Variants in ITGB5 observed in about 807,000 individuals in gnomAD.
ITGB5 encodes integrin beta-5.
ITGB5 carries 38 observed loss-of-function variants against 84.8 expected under a neutral mutation model. That is an observed-to-expected ratio of 0.45 (90% confidence interval 0.35 to 0.59). ITGB5 has a LOEUF of 0.59. Among genes scored for constraint, ITGB5 ranks in the 20% least tolerant of loss-of-function variants. The pLI, the probability that ITGB5 is intolerant of heterozygous loss-of-function variation, is 0.01. For missense variants in ITGB5, 905 were observed against 1,034.5 expected, an observed-to-expected ratio of 0.87 and a Z score of 1.72; for synonymous variants, 393 against 414.4, an observed-to-expected ratio of 0.95 and a Z score of 0.63.
intron 10 of ITGB5, among the ~76,000 whole-genome samples, chr3:124,793,388 C>T (rs2064177099): frequency 6.6e-6 from 1 of 152,234 alleles, no homozygotes; most frequent in South Asian, 2.1e-4. Flanking sequence ...GCCTGCCAGG[C>T]TGCTTAGAGC....
intron 6 of ITGB5, 76 bp downstream of exon 6, chr3:124,821,237 C>A: frequency 6.7e-7 from 1 of 1,493,024 alleles, no homozygotes; most frequent in Non-Finnish European, 9.1e-7. Flanking sequence ...GGTTTCAAGG[C>A]TGGGCAAGTA....
chr3:124,828,602 G>A (rs2064817548), intron 5 of ITGB5, among the ~76,000 whole-genome samples: 1 of 152,198 alleles, frequency 6.6e-6, no homozygotes. Flanking sequence ...TCGCAGAGTT[G>A]CTTTCGTGAG....
At chr3:124,819,423 T>C (rs2064662740) in intron 7 of ITGB5, among the ~76,000 whole-genome samples, 1 of 152,218 alleles carries the variant, frequency 6.6e-6, no homozygotes, top group Non-Finnish European at 1.5e-5. Flanking sequence ...TGTGTGTATC[T>C]TCATTTCATT....
At chr3:124,866,568 AAGG>A in intron 2 of ITGB5, among the ~76,000 whole-genome samples, 1 of 152,354 alleles carries the variant, frequency 6.6e-6, no homozygotes, top group East Asian at 1.9e-4. Flanking sequence ...CCAAGCAAGA[AAGG>A]AGGCCAGCAT....
chr3:124,856,124 G>A (rs1442628234), intron 3 of ITGB5, among the ~76,000 whole-genome samples: 3 of 151,858 alleles, frequency 2.0e-5, no homozygotes, highest in Non-Finnish European at 2.9e-5. Flanking sequence ...GACCTCAATC[G>A]ATCCTCTCTC....
intron 1 of ITGB5, among the ~76,000 whole-genome samples, chr3:124,900,391 T>C (rs895669489): frequency 4.6e-5 from 7 of 152,226 alleles, no homozygotes; most frequent in African/African-American, 1.7e-4. Context: ...AGGGAGTGCT[T>C]CATAATATAT....
chr3:124,797,544 G>C (rs1212853934), intron 9 of ITGB5, among the ~76,000 whole-genome samples: 1 of 152,236 alleles, frequency 6.6e-6, no homozygotes. Context: ...ATGTAAGGAA[G>C]TGTTTCTCAC....
chr3:124,861,751 G>A (rs976042531), intron 2 of ITGB5, among the ~76,000 whole-genome samples: 6 of 151,940 alleles, frequency 3.9e-5, no homozygotes, highest in Non-Finnish European at 7.4e-5. Context: ...TAGTAGAGAC[G>A]GGCTTTCACC....
At chr3:124,819,696 ACTTC>A in intron 7 of ITGB5, 39 bp downstream of exon 7, 1 of 1,410,488 alleles carries the variant, frequency 7.1e-7, no homozygotes, top group Non-Finnish European at 1.0e-6. Flanking sequence ...CTCACCACCC[ACTTC>A]ACCCCACAAA....
At chr3:124,826,946 T>G (rs2064792476) in intron 5 of ITGB5, among the ~76,000 whole-genome samples, 1 of 152,220 alleles carries the variant, frequency 6.6e-6, no homozygotes. Context: ...GCTTTCAGGC[T>G]TGGAGGCTTT....
At chr3:124,878,469 T>C (rs1170372685) in intron 1 of ITGB5, 5 of 152,266 alleles carry the variant, frequency 3.3e-5, no homozygotes, top group Non-Finnish European at 5.9e-5. Flanking sequence ...AAGTCGTTTG[T>C]ACTCAAAATG....
At chr3:124,818,727 C>T (rs571072230) in intron 7 of ITGB5, among the ~76,000 whole-genome samples, 1 of 152,224 alleles carries the variant, frequency 6.6e-6, no homozygotes, top group African/African-American at 2.4e-5. Flanking sequence ...AAAAACAATC[C>T]TTTTCCCTTG....
intron 2 of ITGB5, among the ~76,000 whole-genome samples, chr3:124,864,080 C>T (rs929473677): frequency 7.7e-6 from 1 of 129,776 alleles, no homozygotes; most frequent in African/African-American, 2.7e-5. Context: ...GAAAAAATGT[C>T]TCAAGACCTA....
chr3:124,839,642 G>A (rs905571974), intron 5 of ITGB5, among the ~76,000 whole-genome samples: 1 of 152,204 alleles, frequency 6.6e-6, no homozygotes, highest in Non-Finnish European at 1.5e-5. Context: ...CCAAGAAGCA[G>A]AATTTGGCTG....
At chr3:124,809,186 C>T (rs772129427) in intron 8 of ITGB5, 30 bp from the exon 9 acceptor site, 43 of 1,612,760 alleles carry the variant, frequency 2.7e-5, no homozygotes, top group Non-Finnish European at 3.6e-5. Context: ...GAAGCCCAAC[C>T]ATTTAATAAA....
At chr3:124,864,200 C>T (rs954500989) in intron 2 of ITGB5, among the ~76,000 whole-genome samples, 10 of 140,350 alleles carry the variant, frequency 7.1e-5, no homozygotes, top group Admixed American at 1.5e-4. Context: ...GTCCGCCTCC[C>T]GGTTCAAGCC....
chr3:124,825,792 T>A (rs2064777716), intron 5 of ITGB5, among the ~76,000 whole-genome samples: 1 of 152,166 alleles, frequency 6.6e-6, no homozygotes, highest in Non-Finnish European at 1.5e-5. Context: ...CTAAAAAGGG[T>A]CAATTTTACT....
At chr3:124,804,963 G>C (rs925786295) in intron 9 of ITGB5, among the ~76,000 whole-genome samples, 3 of 151,600 alleles carry the variant, frequency 2.0e-5, no homozygotes, top group Non-Finnish European at 4.4e-5. Flanking sequence ...CACCGTGCCC[G>C]CCTTTCTTTC....
At chr3:124,851,640 C>CAA (rs2065157647) in intron 3 of ITGB5, among the ~76,000 whole-genome samples, 3 of 151,670 alleles carry the variant, frequency 2.0e-5, no homozygotes, top group Admixed American at 2.0e-4. Flanking sequence ...CACACACACA[C>CAA]ACGCACACAT....
Sources: gnomAD v4.1 joint callset for allele counts (sites outside exome capture counted in the v4.1 genomes callset) on GRCh38, gnomAD v4.1.1 for gene constraint, MANE v1.5 for transcripts, NCBI Gene and HGNC (gene_info 2026-07-23, HGNC 2026-07-21) for gene names.